The following IGF2BP2 variants were observed in gnomAD, a reference collection of about 807,000 sequenced individuals.
IGF2BP2 encodes the protein insulin like growth factor 2 mRNA binding protein 2.
A neutral mutation model predicts 75.8 loss-of-function variants in IGF2BP2; 17 were observed. The observed-to-expected ratio is 0.22, with a 90% CI of 0.15 to 0.34. The LOEUF (loss-of-function observed/expected upper bound fraction) is 0.34, where lower values mean the gene tolerates loss of function less well. Ranked by LOEUF, IGF2BP2 falls within the 10% of genes least tolerant of loss-of-function variation. The pLI, the probability that IGF2BP2 is intolerant of heterozygous loss-of-function variation, is 1.00. For missense variants in IGF2BP2, 516 were observed against 772.4 expected (o/e 0.67, Z 3.93); for synonymous variants, 288 against 295.6 (o/e 0.97, Z 0.26).
At chr3:185,727,650 AT>A (rs1276143689) in intron 2 of IGF2BP2, among the ~76,000 whole-genome samples, 2 of 152,154 alleles carry the variant, frequency 1.3e-5, no homozygotes, top group African/African-American at 4.8e-5. Flanking sequence ...TAAAAATTCA[AT>A]TTCTTAATAA....
At position 185,658,336 on chromosome 3, in the gene IGF2BP2, C is replaced by T. The variant is rs760184033; in HGVS notation, c.1269+5G>A. ...CAGGTGCGGCTGAACTGAGGGGGCA[C>T]TTACAGAGTGATGATGCGGGAACGG... On this transcript the variant is annotated splice_donor_5th_base_variant and intron_variant, in intron 11 of 15. Transcript: ENST00000382199. 3 of 1,613,458 alleles carry T rather than the reference C, an allele frequency of 1.9e-6. No individual in the cohort carries two copies.
rs150421493 is a variant in IGF2BP2 at position 185,744,899 on chromosome 3, A to G, written c.240-46552T>C. On this transcript the variant is annotated intron_variant, in intron 2 of 15. Transcript: ENST00000382199. Reference sequence around the variant, plus strand: ...TGTTTTCATACGGCATTAAAAATTCAACACTGCTTAATAAAGATAAACCTA... The same window carrying G: ...TGTTTTCATACGGCATTAAAAATTCGACACTGCTTAATAAAGATAAACCTA... 6.0e-3 allele frequency among the ~76,000 whole-genome samples: 908 copies of G among 152,346 alleles called. 3 individuals are homozygous for G. Among genetic ancestry groups the G allele is most frequent in the Non-Finnish European group, 1.0e-2 (677 of 68,028 alleles).
intron 2 of IGF2BP2, among the ~76,000 whole-genome samples, chr3:185,776,735 G>GA (rs754073595): frequency 1.3e-5 from 2 of 151,968 alleles, no homozygotes; most frequent in African/African-American, 4.8e-5. Flanking sequence ...GTGCAAGGGA[G>GA]AAAAAAAGAG....
In IGF2BP2 at chr3:185,648,604, T is replaced by G. The variant is rs532388636; in HGVS notation, c.1593+799A>C. On this transcript the variant is annotated intron_variant, in intron 14 of 15. Transcript: ENST00000382199. ...AACACTGCTACTTTGCCAGCAAGCC[T>G]GCACTAGGCTCTACTGGAACTTCTC... Among the ~76,000 whole-genome samples, 21 of 151,974 alleles carry G rather than the reference T, an allele frequency of 1.4e-4. No homozygotes were observed. The South Asian group carries it at 4.4e-3, about 32-fold the overall frequency.
chr3:185,698,344 G>C lies in IGF2BP2; in HGVS notation c.243C>G (p.Ser81Arg). 1 of 1,613,850 alleles carries C rather than the reference G, an allele frequency of 6.2e-7. No individual in the cohort carries two copies. Among genetic ancestry groups the C allele is most frequent in the Non-Finnish European group, 8.5e-7 (1 of 1,179,752 alleles). The change falls in exon 3 of 16, where the codon AGC (serine) becomes AGG (arginine). Residue 81 changes from serine (S) to arginine (R), a missense_variant. Physicochemically the swap from Ser to Arg is moderately radical, Grantham distance 110 (BLOSUM62 -1). Around this residue, in one of 3 missense-constraint regions of IGF2BP2, gnomAD observed 312 missense variants for 474.5 expected, o/e 0.66. Coordinates refer to ENST00000382199, the MANE Select transcript of IGF2BP2 (RefSeq NM_006548.6). ...GGATGTTTCGAATCTGAATTTTCCTGCTCCTGTAAAGATAAAACCACAGAC... is the reference window on the plus strand; with the variant it reads ...GGATGTTTCGAATCTGAATTTTCCTCCTCCTGTAAAGATAAAACCACAGAC... ...VDYSVSKKLR[S>R]RKIQIRNIPP...
At chr3:185,766,723 C>G (rs2149721971) in intron 2 of IGF2BP2, among the ~76,000 whole-genome samples, 1 of 152,316 alleles carries the variant, frequency 6.6e-6, no homozygotes, top group South Asian at 2.1e-4. Flanking sequence ...TCATTTAATA[C>G]TTTATAGTTT....
At chr3:185,718,469 C>T (rs536048033) in intron 2 of IGF2BP2, among the ~76,000 whole-genome samples, 5 of 152,064 alleles carry the variant, frequency 3.3e-5, no homozygotes, top group Admixed American at 6.5e-5. Flanking sequence ...GGGCAGATCA[C>T]GAGGTCAGGA....
intron 9 of IGF2BP2, 57 bp downstream of exon 9, chr3:185,675,237 AAT>A: frequency 6.4e-7 from 1 of 1,562,468 alleles, no homozygotes; most frequent in Non-Finnish European, 8.7e-7. Flanking sequence ...TCATTAGCTG[AAT>A]GGCAAGTATT....
intron 13 of IGF2BP2, among the ~76,000 whole-genome samples, chr3:185,650,272 CTTT>C (rs1203273515): frequency 6.7e-6 from 1 of 148,660 alleles, no homozygotes; most frequent in African/African-American, 2.5e-5. Flanking sequence ...AAGAACCTAT[CTTT>C]CTTTTTTTTT....
intron 10 of IGF2BP2, among the ~76,000 whole-genome samples, chr3:185,670,573 T>C: frequency 6.6e-6 from 1 of 152,146 alleles, no homozygotes; most frequent in East Asian, 1.9e-4. Flanking sequence ...TTTATTTATT[T>C]ATTTATTTAT....
chr3:185,807,271 AG>A (rs2149985452), intron 2 of IGF2BP2, among the ~76,000 whole-genome samples: 1 of 152,318 alleles, frequency 6.6e-6, no homozygotes, highest in African/African-American at 2.4e-5. Context: ...GTGAAGAAAA[AG>A]AAAAAAAACC....
At chr3:185,663,361 G>A (rs1389204819) in intron 10 of IGF2BP2, among the ~76,000 whole-genome samples, 1 of 152,244 alleles carries the variant, frequency 6.6e-6, no homozygotes, top group Non-Finnish European at 1.5e-5. Flanking sequence ...CTAACTGAGA[G>A]GCAGAGGGAG....
chr3:185,692,840 T>C (rs1364558408), intron 4 of IGF2BP2, 78 bp from the exon 5 acceptor site: 3 of 1,259,190 alleles, frequency 2.4e-6, no homozygotes, highest in African/African-American at 1.5e-5. Context: ...AGACAAACTT[T>C]AGAGAAAAAT....
chr3:185,716,573 C>T (rs377678026), intron 2 of IGF2BP2: 122 of 520,168 alleles, frequency 2.3e-4, no homozygotes, highest in African/African-American at 2.3e-3. Flanking sequence ...GGCCACCAGA[C>T]TCACGTCCTC....
In IGF2BP2 at chr3:185,647,798, C is replaced by T. The variant is rs573565544; in HGVS notation, c.1594-660G>A. Among the ~76,000 whole-genome samples, 3 of 152,234 alleles carry T rather than the reference C, an allele frequency of 2.0e-5. No individual in the cohort carries two copies. The highest frequency in any genetic ancestry group is 1.9e-4 in the East Asian group (1 of 5,202). On this transcript the variant is annotated intron_variant, in intron 14 of 15. Transcript: ENST00000382199. The surrounding 1 kb of genome is among the most constrained non-coding windows in gnomAD (Gnocchi z 4.9). ...GGGCCTGCTTCCCAACAGGACTGCA[C>T]GCTTCCTGAGGGCTCAGACCCCGTC...
At chr3:185,718,310 G>C (rs1725961546) in intron 2 of IGF2BP2, 2 of 152,310 alleles carry the variant, frequency 1.3e-5, no homozygotes, top group African/African-American at 2.4e-5. Context: ...CCTTGGACTA[G>C]TGGGGCAGAT....
At chr3:185,701,633 G>C (rs1054434729) in intron 2 of IGF2BP2, among the ~76,000 whole-genome samples, 1 of 152,176 alleles carries the variant, frequency 6.6e-6, no homozygotes, top group African/African-American at 2.4e-5. Context: ...CCCTGTAATA[G>C]TTCAAGTAAA....
At chr3:185,677,008 AT>A (rs1473930506) in intron 7 of IGF2BP2, among the ~76,000 whole-genome samples, 1 of 125,294 alleles carries the variant, frequency 8.0e-6, no homozygotes, top group Non-Finnish European at 1.6e-5. Flanking sequence ...ATATGGAGAG[AT>A]TATATATATG....
intron 2 of IGF2BP2, among the ~76,000 whole-genome samples, chr3:185,745,719 G>T (rs1187268676): frequency 6.6e-6 from 1 of 152,214 alleles, no homozygotes; most frequent in African/African-American, 2.4e-5. Flanking sequence ...ACTGGCTGCT[G>T]CAATGAGCGC....
Sources: gnomAD v4.1 joint callset for allele counts (sites outside exome capture counted in the v4.1 genomes callset) on GRCh38, gnomAD v4.1.1 for gene constraint, gnomAD v4.1.1 regional missense constraint, Gnocchi (gnomAD v3.1) non-coding constraint, MANE v1.5 for transcripts, NCBI Gene and HGNC (gene_info 2026-07-23, HGNC 2026-07-21) for gene names.